Variants in MORF4L1 observed in about 807,000 individuals in gnomAD.
MORF4L1 encodes mortality factor 4 like 1.
In MORF4L1, 4 loss-of-function variants were observed where a neutral mutation model predicts 52.9. The observed-to-expected ratio is 0.08, with a 90% CI of 0.04 to 0.17. The LOEUF is 0.17. MORF4L1 is among the 10% of genes least tolerant of loss of function. The pLI, the probability that MORF4L1 is intolerant of heterozygous loss-of-function variation, is 1.00. For missense variants in MORF4L1, 214 were observed against 390.4 expected (o/e 0.55, Z 3.81); for synonymous variants, 123 against 134.8 (o/e 0.91, Z 0.61).
intron 1 of MORF4L1, among the ~76,000 whole-genome samples, chr15:78,874,307 C>T (rs1260596688): frequency 1.3e-5 from 2 of 152,178 alleles, no homozygotes; most frequent in Non-Finnish European, 2.9e-5. Flanking sequence ...AAACCTCAAA[C>T]CGTAGTACTG....
At chr15:78,879,930 A>G (rs1596241153) in intron 2 of MORF4L1, among the ~76,000 whole-genome samples, 1 of 152,230 alleles carries the variant, frequency 6.6e-6, no homozygotes, top group Non-Finnish European at 1.5e-5. Context: ...TATTGAAACA[A>G]ATTAAACTGT....
At chr15:78,879,232 C>G (rs2141592308) in intron 2 of MORF4L1, among the ~76,000 whole-genome samples, 1 of 152,056 alleles carries the variant, frequency 6.6e-6, no homozygotes, top group Admixed American at 6.5e-5. Context: ...CCCGCCCCGC[C>G]CCGCCCCCCA....
At chr15:78,896,861 ATGTC>A (rs2056899172) in intron 11 of MORF4L1, 118 bp from the exon 12 acceptor site, 1 of 673,066 alleles carries the variant, frequency 1.5e-6, no homozygotes, top group Non-Finnish European at 2.6e-6. Flanking sequence ...CTGTGAGAGA[ATGTC>A]TGGTTTAATG....
At chr15:78,876,838 A>T (rs1430976871) in intron 1 of MORF4L1, among the ~76,000 whole-genome samples, 1 of 152,186 alleles carries the variant, frequency 6.6e-6, no homozygotes, top group African/African-American at 2.4e-5. Flanking sequence ...GAATTATAGA[A>T]CTGATTTAAA....
chr15:78,878,626 A>G (rs1316585162), intron 2 of MORF4L1, among the ~76,000 whole-genome samples: 13 of 152,184 alleles, frequency 8.5e-5, no homozygotes, highest in African/African-American at 3.1e-4. Flanking sequence ...AGCTAATTAT[A>G]TTAGGTTAAA....
At chr15:78,885,705 C>T (rs2056690560) in intron 3 of MORF4L1, among the ~76,000 whole-genome samples, 1 of 152,130 alleles carries the variant, frequency 6.6e-6, no homozygotes, top group South Asian at 2.1e-4. Flanking sequence ...ATCCTCATTT[C>T]ATAGAGAATG....
rs961618954 is a variant in MORF4L1, at chr15:78,872,894, C to G, written c.-124C>G. ...GTGAGGTCTGCGGGCGCTGGCAAAT[C>G]CGGCCCAGGATGTAGAGCTGGCAGT... is the stretch of plus-strand genomic sequence containing the variant. On this transcript the variant is annotated 5_prime_UTR_variant, in exon 1 of 12. In the 5' UTR this introduces an upstream ATG that the reference lacks. Coordinates refer to ENST00000426013, the MANE Select transcript of MORF4L1 (RefSeq NM_006791.4). 6 of 1,447,660 alleles carry G rather than the reference C, an allele frequency of 4.1e-6. No individual in the cohort carries two copies. The highest frequency in any genetic ancestry group is 4.5e-6 in the Non-Finnish European group (5 of 1,104,326). The allele number at this position is 1,447,660 out of a possible 1,614,324, so 89.7% of individuals were successfully genotyped here.
chr15:78,889,300 C>T (rs1567312966), intron 5 of MORF4L1, among the ~76,000 whole-genome samples: 1 of 152,112 alleles, frequency 6.6e-6, no homozygotes, highest in Non-Finnish European at 1.5e-5. Flanking sequence ...GTTGAATATC[C>T]CTTATCTGAA....
chr15:78,880,218 T>C (rs1472018146), intron 2 of MORF4L1, among the ~76,000 whole-genome samples: 1 of 152,258 alleles, frequency 6.6e-6, no homozygotes, highest in Admixed American at 6.5e-5. Flanking sequence ...AGCTCCTGGC[T>C]GATTAGACTG....
intron 3 of MORF4L1, among the ~76,000 whole-genome samples, chr15:78,883,043 C>T (rs2141467060): frequency 1.3e-5 from 2 of 152,064 alleles, no homozygotes; most frequent in Non-Finnish European, 2.9e-5. Flanking sequence ...GGTGAAACCC[C>T]ATCTCTACTA....
chr15:78,893,711 C>A (rs771611259), intron 9 of MORF4L1, 84 bp downstream of exon 9: 6 of 890,166 alleles, frequency 6.7e-6, no homozygotes, highest in Non-Finnish European at 1.0e-5. Context: ...GTACTGACTC[C>A]GAAACATTAA....
At chr15:78,880,464 T>A (rs747918015) in intron 2 of MORF4L1, 48 bp from the exon 3 acceptor site, 1 of 1,395,990 alleles carries the variant, frequency 7.2e-7, no homozygotes, top group Non-Finnish European at 1.0e-6. Flanking sequence ...AAAGGTAGTG[T>A]CTTTAAAAAA....
At position 78,873,076 on chromosome 15, in the gene MORF4L1, G is replaced by C; in HGVS notation, c.40+19G>C. ...CAGGAGGGTGAGTGTGCGCCTTTGG[G>C]AAAAAGGCACCTAACGGCGCAGGAG... On this transcript the variant is annotated intron_variant, in intron 1 of 11. Transcript: ENST00000426013. 6.5e-7 allele frequency: 1 copy of C among 1,550,346 alleles called. No individual in the cohort carries two copies. Among genetic ancestry groups the C allele is most frequent in the Non-Finnish European group, 8.7e-7 (1 of 1,146,434 alleles).
intron 1 of MORF4L1, chr15:78,876,653 C>G: frequency 2.2e-6 from 1 of 451,480 alleles, no homozygotes; most frequent in Non-Finnish European, 4.5e-6. Context: ...CAGATCTGAT[C>G]TGATCTTGTT....
intron 7 of MORF4L1, 39 bp downstream of exon 7, chr15:78,891,611 T>G: frequency 3.3e-6 from 5 of 1,493,212 alleles, no homozygotes; most frequent in Non-Finnish European, 3.7e-6. Flanking sequence ...ATGTTAGGAT[T>G]TTTAGTCTCA....
chr15:78,872,951 G>T lies in MORF4L1; in HGVS notation c.-67G>T. Reference sequence around the variant, plus strand: ...CGGCGCGTCTGACGCGGAGTTGGGTGGGGTAGAGAGTAGGGGGCGGTAGTC... The same window carrying T: ...CGGCGCGTCTGACGCGGAGTTGGGTTGGGTAGAGAGTAGGGGGCGGTAGTC... On this transcript the variant is annotated 5_prime_UTR_variant, in exon 1 of 12. Transcript: ENST00000426013. 4 of 1,534,758 alleles carry T rather than the reference G, an allele frequency of 2.6e-6. No individual in the cohort carries two copies. The highest frequency in any genetic ancestry group is 3.5e-6 in the Non-Finnish European group (4 of 1,141,574).
At chr15:78,877,924 A>G (rs898647647) in intron 1 of MORF4L1, 17 of 296,210 alleles carry the variant, frequency 5.7e-5, no homozygotes, top group Middle Eastern at 9.4e-4. Flanking sequence ...ACCAACCTCG[A>G]CAGCTTTGCA....
At chr15:78,888,421 C>T (rs563664973) in intron 5 of MORF4L1, among the ~76,000 whole-genome samples, 14 of 150,230 alleles carry the variant, frequency 9.3e-5, no homozygotes, top group Admixed American at 2.0e-4. Flanking sequence ...TTAGTCTTGG[C>T]GACTGAGTGA....
intron 1 of MORF4L1, among the ~76,000 whole-genome samples, chr15:78,877,192 C>G (rs1270106194): frequency 1.4e-5 from 2 of 147,138 alleles, no homozygotes; most frequent in African/African-American, 5.1e-5. Context: ...AAGATCTTAG[C>G]TCACTGCAAC....
Sources: allele counts gnomAD v4.1 joint callset (sites outside exome capture counted in the v4.1 genomes callset), GRCh38; gene constraint gnomAD v4.1.1; transcripts MANE v1.5; gene names NCBI Gene and HGNC (gene_info 2026-07-23, HGNC 2026-07-21).